Variants in PPL observed in about 807,000 individuals in gnomAD.
PPL encodes the protein 190 kDa paraneoplastic pemphigus antigen.
A neutral mutation model predicts 194.4 loss-of-function variants in PPL; 198 were observed. The ratio of observed to expected loss-of-function variants is 1.02; its 90% CI spans 0.91 to 1.15. The LOEUF (loss-of-function observed/expected upper bound fraction) is 1.15, where lower values mean the gene tolerates loss of function less well. PPL is among the 50% of genes most tolerant of loss of function. The pLI is 0.00. For synonymous variants in PPL, 1,220 were observed against 972.4 expected (o/e 1.25, Z -4.74); for missense variants, 2,885 against 2,294.8 (o/e 1.26, Z -5.25).
intron 1 of PPL, among the ~76,000 whole-genome samples, chr16:4,918,100 C>G (rs1258689429): frequency 2.0e-5 from 3 of 151,942 alleles, no homozygotes; most frequent in Non-Finnish European, 4.4e-5. Context: ...CAAGACCAGC[C>G]TGGCCAACAT....
At chr16:4,897,591 G>GCCAC in intron 9 of PPL, 84 bp downstream of exon 9, 1 of 1,083,108 alleles carries the variant, frequency 9.2e-7, no homozygotes, top group Non-Finnish European at 1.4e-6. Context: ...GGAGCACGAG[G>GCCAC]CCACACATGA....
At chr16:4,886,988 C>G (rs2142330821) in intron 21 of PPL, 147 bp downstream of exon 21, 1 of 690,418 alleles carries the variant, frequency 1.4e-6, no homozygotes, top group Admixed American at 2.1e-5. Context: ...GAAGCATTGG[C>G]TCGGGCCAGT....
chr16:4,889,607 T>C (rs966355821), intron 18 of PPL, among the ~76,000 whole-genome samples: 4 of 152,272 alleles, frequency 2.6e-5, no homozygotes, highest in Admixed American at 2.0e-4. Context: ...TCATTATCTC[T>C]GCTAGGAAAC....
intron 1 of PPL, among the ~76,000 whole-genome samples, chr16:4,933,131 A>G (rs985186071): frequency 9.9e-5 from 15 of 151,794 alleles, no homozygotes; most frequent in African/African-American, 3.6e-4. Flanking sequence ...CCTCCTGAGT[A>G]GCTGGGACTA....
At chr16:4,936,522 C>G (rs2089300641) in intron 1 of PPL, among the ~76,000 whole-genome samples, 1 of 152,212 alleles carries the variant, frequency 6.6e-6, no homozygotes, top group South Asian at 2.1e-4. Flanking sequence ...AGCTCAGTTT[C>G]CCTGCCTCAG....
chr16:4,934,233 T>TCC (rs1201952942), intron 1 of PPL, among the ~76,000 whole-genome samples: 1 of 151,514 alleles, frequency 6.6e-6, no homozygotes, highest in Non-Finnish European at 1.5e-5. Context: ...GCAACGGGGT[T>TCC]CACACCCTGT....
At position 4,935,281 on chromosome 16, in the gene PPL, G is replaced by C. The variant is rs113432012; in HGVS notation, c.62+1703C>G. ...GTTAGGTCCAAGCTGGGGCCTTCAG[G>C]ATGGAGAGCTGCACGAAGGAGGGAG... is the stretch of plus-strand genomic sequence containing the variant. On this transcript the variant is annotated intron_variant, in intron 1 of 21. Transcript: ENST00000345988. Among the ~76,000 whole-genome samples, 336 of 152,276 alleles carry C rather than the reference G, an allele frequency of 2.2e-3. 1 individual carries two copies. Among genetic ancestry groups the C allele is most frequent in the African/African-American group, 7.8e-3 (323 of 41,566 alleles).
At chr16:4,887,249 G>A (rs769899619) in intron 20 of PPL, 22 bp from the exon 21 acceptor site, 5 of 1,583,558 alleles carry the variant, frequency 3.2e-6, no homozygotes, top group Non-Finnish European at 3.5e-6. Flanking sequence ...AGGATTAGGA[G>A]AGCGGTCAAC....
Position 4,895,274 on chromosome 16 carries a change from A to T in PPL, c.1229T>A (p.Phe410Tyr). ...KPIPVEALCD[F>Y]EGEQGLISRG... ...GGCCCCACGCACCTGCTCCCCCTCA[A>T]AGTCACAGAGTGCCTCCACGGGGAT... Residue 410 changes from phenylalanine (F) to tyrosine (Y), a missense_variant, in exon 11 of 22, where the codon TTT becomes TAT. By Grantham distance (22) the Phe-to-Tyr change is conservative. Coordinates refer to ENST00000345988, the MANE Select transcript of PPL (RefSeq NM_002705.5). 1 of 1,606,106 alleles carries T rather than the reference A, an allele frequency of 6.2e-7. No homozygotes were observed. Among genetic ancestry groups the T allele is most frequent in the Non-Finnish European group, 8.5e-7 (1 of 1,175,576 alleles).
chr16:4,926,792 T>C (rs955633071), intron 1 of PPL, among the ~76,000 whole-genome samples: 2 of 144,676 alleles, frequency 1.4e-5, no homozygotes, highest in Admixed American at 7.5e-5. Context: ...GGCGGGAGAA[T>C]GGCGTGAACC....
intron 21 of PPL, among the ~76,000 whole-genome samples, chr16:4,886,342 G>C (rs74003539): frequency 6.6e-6 from 1 of 152,190 alleles, no homozygotes; most frequent in Non-Finnish European, 1.5e-5. Flanking sequence ...GATGCTATCT[G>C]TGCTCACACA....
intron 18 of PPL, 35 bp from the exon 19 acceptor site, chr16:4,889,096 G>A: frequency 1.9e-6 from 3 of 1,585,798 alleles, no homozygotes; most frequent in Admixed American, 3.4e-5. Flanking sequence ...AAACTAACCA[G>A]AAAAAAAATT....
At chr16:4,900,288 G>T (rs1283630451) in intron 6 of PPL, among the ~76,000 whole-genome samples, 1 of 152,060 alleles carries the variant, frequency 6.6e-6, no homozygotes, top group Non-Finnish European at 1.5e-5. Context: ...AGATAATAAA[G>T]AAATGAGCAG....
At chr16:4,886,237 C>G (rs953303275) in intron 21 of PPL, among the ~76,000 whole-genome samples, 190 bp from the exon 22 acceptor site, 3 of 151,904 alleles carry the variant, frequency 2.0e-5, no homozygotes, top group South Asian at 2.1e-4. Context: ...TTTTTTTAAT[C>G]AGGTAAAACA....
At chr16:4,900,720 A>G (rs2142363691) in intron 6 of PPL, 110 bp downstream of exon 6, 1 of 1,479,772 alleles carries the variant, frequency 6.8e-7, no homozygotes. Flanking sequence ...GTGAGCCACC[A>G]TGCCCAGCTG....
At chr16:4,921,340 T>A (rs2089045696) in intron 1 of PPL, among the ~76,000 whole-genome samples, 1 of 152,188 alleles carries the variant, frequency 6.6e-6, no homozygotes, top group South Asian at 2.1e-4. Context: ...TGAACAGCCA[T>A]CTTCTTGTGT....
chr16:4,903,317 A>C lies in PPL; in HGVS notation c.317+569T>G, dbSNP rs141418540. On this transcript the variant is annotated intron_variant, in intron 3 of 21. Transcript: ENST00000345988. The stretch of plus-strand genomic sequence containing the variant: ...CACCAGGCAGCGGAAGAGCTCGCTC[A>C]AAAGCTCACAGGTCAGGCTGGTGGC... Among the ~76,000 whole-genome samples, 527 of 152,180 alleles carry C rather than the reference A, an allele frequency of 3.5e-3. 1 individual carries two copies. The highest frequency in any genetic ancestry group is 0.012 in the African/African-American group (487 of 41,520).
rs185258200 is a variant in PPL at position 4,884,129 on chromosome 16, T to C, written c.4526A>G (p.Lys1509Arg). Residue 1509 changes from lysine to arginine, a missense_variant, in exon 22 of 22, where the codon AAG becomes AGG. Coordinates refer to ENST00000345988, the MANE Select transcript of PPL (RefSeq NM_002705.5). This position sits in a 1 kb window ranked among gnomAD's most constrained non-coding sequence, Gnocchi z 5.7. ...VVLSESVQVE[K>R]GDTEQEIQRL... ...CTGGATCTCTTGCTCGGTGTCGCCC[T>C]TCTCCACCTGGACACTCTCGGAGAG... 1.2e-6 allele frequency: 2 copies of C among 1,613,522 alleles called. No homozygotes were observed. Among genetic ancestry groups the C allele is most frequent in the African/African-American group, 1.3e-5 (1 of 75,004 alleles).
chr16:4,930,384 C>G (rs797022062), intron 1 of PPL, among the ~76,000 whole-genome samples: 4 of 152,314 alleles, frequency 2.6e-5, no homozygotes, highest in African/African-American at 9.6e-5. Context: ...CTGCTCAGGC[C>G]TCGCACTCCT....
Sources: gnomAD v4.1 joint callset for allele counts (sites outside exome capture counted in the v4.1 genomes callset) on GRCh38, gnomAD v4.1.1 for gene constraint, Gnocchi (gnomAD v3.1) non-coding constraint, MANE v1.5 for transcripts, NCBI Gene and HGNC (gene_info 2026-07-23, HGNC 2026-07-21) for gene names.